The following GLB1 variants were observed in gnomAD, a reference collection of about 807,000 sequenced individuals.
GLB1 encodes galactosidase beta 1, also known as beta-galactosidase.
A neutral mutation model predicts 74.0 loss-of-function variants in GLB1; 56 were observed. That is an observed-to-expected ratio of 0.76 (90% CI 0.61 to 0.94). The LOEUF (loss-of-function observed/expected upper bound fraction) is 0.94. GLB1 is among the 40% of genes least tolerant of loss of function. The pLI is 0.00. For missense variants in GLB1, 787 were observed against 845.5 expected (o/e 0.93, Z 0.86); for synonymous variants, 323 against 323.6 (o/e 1.00, Z 0.02).
chr3:33,084,065 C>A (rs1438638903), intron 1 of GLB1, among the ~76,000 whole-genome samples: 2 of 152,136 alleles, frequency 1.3e-5, no homozygotes, highest in African/African-American at 2.4e-5. Flanking sequence ...CTGGTAAGCA[C>A]CTACTCAGCA....
rs997744004 is a variant in GLB1 at position 33,090,452 on chromosome 3, T to C, written c.75+6559A>G. On this transcript the variant is annotated intron_variant, in intron 1 of 15. Transcript: ENST00000307363. ...AAGGAATGGCAGCAGGATCAATTTA[T>C]TGAGATTTTGTGACAGCATCATATA... is the stretch of plus-strand genomic sequence containing the variant. 89 of 985,430 alleles carry C rather than the reference T, an allele frequency of 9.0e-5. No individual in the cohort carries two copies. The African/African-American group carries it at 1.5e-3, about 16-fold the overall frequency. The allele number at this position is 985,430 out of a possible 1,614,324, so 61.0% of individuals were successfully genotyped here.
At chr3:33,011,531 G>A (rs1342156220) in intron 15 of GLB1, among the ~76,000 whole-genome samples, 3 of 148,718 alleles carry the variant, frequency 2.0e-5, no homozygotes, top group Admixed American at 6.7e-5. Flanking sequence ...TGTAGTCCCC[G>A]CTACTCTGGA....
intron 1 of GLB1, among the ~76,000 whole-genome samples, chr3:33,079,593 T>C (rs1700249973): frequency 6.6e-6 from 1 of 152,206 alleles, no homozygotes; most frequent in Non-Finnish European, 1.5e-5. Flanking sequence ...TGCAGACTGA[T>C]AAAATGAATT....
At chr3:32,983,802 C>T in the GLB1 span, among the ~76,000 whole-genome samples, 1 of 152,118 alleles carries the variant, frequency 6.6e-6, no homozygotes, top group Non-Finnish European at 1.5e-5. Context: ...CCTCAGCCCC[C>T]TGAGTAGCTG....
chr3:33,051,615 A>AAG lies in GLB1; in HGVS notation c.955+142_955+143insCT. 35 of 1,176,646 alleles carry AAG rather than the reference A, an allele frequency of 3.0e-5. No homozygotes were observed. The East Asian group carries it at 3.8e-4, about 13-fold the overall frequency. 72.9% of individuals were successfully genotyped at this position (1,176,646 alleles called of 1,614,324 possible). ...GTGAGACTGTCTACAAAAAAAAAAA[A>AAG]AAAAGAAAAAGAAAAAAAAAGAAAA... is the stretch of plus-strand genomic sequence containing the variant. On this transcript the variant is annotated intron_variant, in intron 9 of 15. Coordinates refer to ENST00000307363, the MANE Select transcript of GLB1 (RefSeq NM_000404.4).
At chr3:33,007,467 A>G (rs1696836199) in intron 15 of GLB1, among the ~76,000 whole-genome samples, 1 of 152,240 alleles carries the variant, frequency 6.6e-6, no homozygotes, top group Non-Finnish European at 1.5e-5. Context: ...CATGCAACAT[A>G]CAGTCCTTTG....
intron 1 of GLB1, chr3:33,092,510 G>T: frequency 9.1e-7 from 1 of 1,098,834 alleles, no homozygotes; most frequent in South Asian, 3.9e-5. Context: ...TAGCAACCCC[G>T]AGGGGAGGTT....
Position 33,093,427 on chromosome 3 carries a change from T to A in GLB1, c.75+3584A>T. On this transcript the variant is annotated intron_variant, in intron 1 of 15. Coordinates refer to ENST00000307363, the MANE Select transcript of GLB1 (RefSeq NM_000404.4). This position sits in a 1 kb window ranked among gnomAD's most constrained non-coding sequence, Gnocchi z 6.0. The stretch of plus-strand genomic sequence containing the variant: ...AGCTGGCCCAGAGGAGCGACAGCCG[T>A]CCGCAGGACCGAGGCTTCTGAGTCG... 1 of 1,613,882 alleles carries A rather than the reference T, an allele frequency of 6.2e-7. No individual in the cohort carries two copies. The highest frequency in any genetic ancestry group is 8.5e-7 in the Non-Finnish European group (1 of 1,179,964).
At chr3:33,054,040 A>T (rs1187125301) in intron 6 of GLB1, among the ~76,000 whole-genome samples, 5 of 146,390 alleles carry the variant, frequency 3.4e-5, no homozygotes, top group Non-Finnish European at 5.9e-5. Context: ...TAAAAAAAAT[A>T]ATAATAATAA....
intron 1 of GLB1, among the ~76,000 whole-genome samples, chr3:33,074,398 AAG>A (rs1700029604): frequency 7.0e-6 from 1 of 142,888 alleles, no homozygotes; most frequent in Non-Finnish European, 1.6e-5. Flanking sequence ...GGAAGAAAGA[AAG>A]AAAGAAAGAA....
the GLB1 span, among the ~76,000 whole-genome samples, chr3:32,984,859 T>C: frequency 6.6e-6 from 1 of 152,030 alleles, no homozygotes; most frequent in African/African-American, 2.4e-5. Context: ...GGAGAATCAC[T>C]TTAACCTGGG....
In GLB1 at chr3:32,996,858, A is replaced by T; in HGVS notation, c.*187T>A. 9.8e-7 allele frequency: 1 copy of T among 1,023,964 alleles called. No individual in the cohort carries two copies. Among genetic ancestry groups the T allele is most frequent in the Non-Finnish European group, 1.4e-6 (1 of 703,396 alleles). The allele number at this position is 1,023,964 out of a possible 1,614,324, so 63.4% of individuals were successfully genotyped here. A position where few individuals can be genotyped will look rare whatever the true frequency, so the allele number is the denominator to read the frequency against. On this transcript the variant is annotated 3_prime_UTR_variant, in exon 16 of 16. Transcript: ENST00000307363. ...CACGTTACTGTGCTGTCAGCCCCTCACACATTCCAGGTGGTCCCTGAAGGT... is the reference window on the plus strand; with the variant it reads ...CACGTTACTGTGCTGTCAGCCCCTCTCACATTCCAGGTGGTCCCTGAAGGT...
chr3:33,046,041 AGTT>A, intron 10 of GLB1, 76 bp downstream of exon 10: 1 of 1,529,156 alleles, frequency 6.5e-7, no homozygotes, highest in East Asian at 2.3e-5. Flanking sequence ...CCAGGCAGGA[AGTT>A]GTCCACAGAG....
chr3:32,968,089 TAA>T, the GLB1 span, among the ~76,000 whole-genome samples: 1 of 152,104 alleles, frequency 6.6e-6, no homozygotes, highest in African/African-American at 2.4e-5. Flanking sequence ...AGATGTACAT[TAA>T]CCGAGATCAG....
In GLB1 at chr3:33,093,202, C is replaced by T. The variant is rs751743888; in HGVS notation, c.75+3809G>A. ...TCTGCTTCAATATCGTCCACCCCAG[C>T]CAAGCAGATCCAGTCCTCATCCTCA... On this transcript the variant is annotated intron_variant, in intron 1 of 15. Transcript: ENST00000307363. This position sits in a 1 kb window ranked among gnomAD's most constrained non-coding sequence, Gnocchi z 6.0. The T allele has an allele frequency of 4.3e-6, 7 of 1,613,876 alleles. No homozygotes were observed. The Admixed American group carries it at 1.2e-4, about 27-fold the overall frequency.
chr3:32,989,439 A>C, the GLB1 span, among the ~76,000 whole-genome samples: 1 of 152,222 alleles, frequency 6.6e-6, no homozygotes, highest in Non-Finnish European at 1.5e-5. Context: ...GAATTAAACC[A>C]GAAGAGATAT....
At chr3:32,971,883 G>T in the GLB1 span, among the ~76,000 whole-genome samples, 2 of 152,124 alleles carry the variant, frequency 1.3e-5, no homozygotes, top group Non-Finnish European at 2.9e-5. Flanking sequence ...GGGCATATCG[G>T]CAACTGCTGG....
At chr3:33,074,385 G>GAAAGAAAAAGAAAGAAAGAAAGA (rs1338351259) in intron 1 of GLB1, among the ~76,000 whole-genome samples, 1 of 19,880 alleles carries the variant, frequency 5.0e-5, no homozygotes, top group South Asian at 3.3e-3. Flanking sequence ...AGGAAGGAAG[G>GAAAGAAAAAGAAAGAAAGAAAGA]AAGGAAGAAA....
At chr3:33,096,928 G>A in intron 1 of GLB1, 83 bp downstream of exon 1, 13 of 1,546,628 alleles carry the variant, frequency 8.4e-6, no homozygotes, top group Non-Finnish European at 1.1e-5. Context: ...CTGCGGGACC[G>A]CGGGTGGCTG....
Sources: allele counts gnomAD v4.1 joint callset (sites outside exome capture counted in the v4.1 genomes callset), GRCh38; gene constraint gnomAD v4.1.1; non-coding constraint Gnocchi (gnomAD v3.1); transcripts MANE v1.5; gene names NCBI Gene and HGNC (gene_info 2026-07-23, HGNC 2026-07-21).